Variants in DCDC2C observed in about 807,000 individuals in gnomAD.
DCDC2C encodes doublecortin domain-containing protein 2C.
A neutral mutation model predicts 45.0 loss-of-function variants in DCDC2C; 44 were observed. The ratio of observed to expected loss-of-function variants is 0.98; its 90% CI spans 0.77 to 1.26. The LOEUF (loss-of-function observed/expected upper bound fraction) is 1.26. Among genes scored for constraint, DCDC2C ranks in the 50% most tolerant of loss-of-function variants. The pLI is 0.00. For missense variants in DCDC2C, 447 were observed against 468.9 expected (o/e 0.95, Z 0.43); for synonymous variants, 187 against 178.8 (o/e 1.05, Z -0.37).
chr2:3,760,841 AAAAT>A (rs897390557), intron 6 of DCDC2C, among the ~76,000 whole-genome samples: 2 of 103,874 alleles, frequency 1.9e-5, no homozygotes, highest in South Asian at 4.8e-4. Flanking sequence ...AACTTAAAGT[AAAAT>A]AAAAAAAAAG....
At chr2:3,807,222 C>T (rs960446050) in intron 10 of DCDC2C, among the ~76,000 whole-genome samples, 16 of 152,254 alleles carry the variant, frequency 1.1e-4, no homozygotes, top group African/African-American at 3.6e-4. Flanking sequence ...AGCCTTTCTG[C>T]GCTTTCTCAC....
intron 10 of DCDC2C, among the ~76,000 whole-genome samples, chr2:3,842,487 G>A (rs772393982): frequency 5.9e-5 from 9 of 152,048 alleles, no homozygotes; most frequent in Non-Finnish European, 1.3e-4. Context: ...GGAAGAGTGA[G>A]GGTGCATTGG....
At chr2:3,730,308 G>A (rs1024311702) in intron 3 of DCDC2C, among the ~76,000 whole-genome samples, 1 of 152,070 alleles carries the variant, frequency 6.6e-6, no homozygotes, top group East Asian at 1.9e-4. Flanking sequence ...AAGAAACCGA[G>A]TCCCTTAAGG....
At chr2:3,842,834 G>A (rs1357244005) in intron 10 of DCDC2C, among the ~76,000 whole-genome samples, 1 of 152,008 alleles carries the variant, frequency 6.6e-6, no homozygotes, top group East Asian at 1.9e-4. Context: ...GGAGGAGAAG[G>A]AAAGACACAG....
chr2:3,826,147 C>T (rs1247471711), intron 10 of DCDC2C, among the ~76,000 whole-genome samples: 1 of 152,184 alleles, frequency 6.6e-6, no homozygotes, highest in African/African-American at 2.4e-5. Context: ...TTGTAAACAG[C>T]TGGCATAATG....
intron 10 of DCDC2C, among the ~76,000 whole-genome samples, chr2:3,828,755 T>C (rs1169296423): frequency 6.6e-6 from 1 of 152,218 alleles, no homozygotes; most frequent in African/African-American, 2.4e-5. Flanking sequence ...TTCAAAGTCC[T>C]GGAATTCTTG....
chr2:3,703,782 G>A lies in DCDC2C; in HGVS notation c.31G>A (p.Asp11Asn), dbSNP rs1217172680. The A allele has an allele frequency of 2.3e-5, 28 of 1,237,338 alleles. No homozygotes were observed. The highest frequency in any genetic ancestry group is 2.5e-5 in the Non-Finnish European group (25 of 988,942). The allele number at this position is 1,237,338 out of a possible 1,614,324, so 76.6% of individuals were successfully genotyped here. A position where few individuals can be genotyped will look rare whatever the true frequency, so the allele number is the denominator to read the frequency against. MGTRGPSAPV[D>N]TTPAKTIVVY... is the part of the protein sequence containing the mutation. ...AACCCGCGGGCCCTCCGCGCCGGTG[G>A]ACACCACGCCCGCCAAGACCATCGT... Residue 11 changes from aspartate (D) to asparagine (N), a missense_variant, in exon 1 of 11, where the codon GAC becomes AAC. By Grantham distance (23) the Asp-to-Asn change is conservative. Coordinates refer to ENST00000399143, the MANE Select transcript of DCDC2C (RefSeq NM_001287444.2). This position sits in a 1 kb window ranked among gnomAD's most constrained non-coding sequence, Gnocchi z 4.4.
chr2:3,768,206 G>T (rs1244264042), intron 7 of DCDC2C, among the ~76,000 whole-genome samples: 2 of 151,836 alleles, frequency 1.3e-5, no homozygotes, highest in African/African-American at 4.8e-5. Context: ...TCTATCTTTT[G>T]GGAGAAACAT....
intron 10 of DCDC2C, among the ~76,000 whole-genome samples, chr2:3,812,410 G>A (rs1035459962): frequency 2.6e-5 from 4 of 151,832 alleles, no homozygotes; most frequent in East Asian, 1.9e-4. Context: ...TTTGTATTTC[G>A]GTGGGGTCAG....
intron 10 of DCDC2C, among the ~76,000 whole-genome samples, chr2:3,793,830 T>A (rs11677370): frequency 0.34 from 51,611 of 152,026 alleles, 9,078 homozygotes; most frequent in South Asian, 0.57. Flanking sequence ...GTGGTGGGTG[T>A]GGGGGCAGAG....
chr2:3,719,760 G>A (rs1323189996), intron 2 of DCDC2C, among the ~76,000 whole-genome samples: 2 of 152,226 alleles, frequency 1.3e-5, no homozygotes, highest in African/African-American at 2.4e-5. Flanking sequence ...CCTTATATAA[G>A]GACTGTAAGT....
At chr2:3,847,106 C>A in intron 10 of DCDC2C, 48 bp from the exon 11 acceptor site, 2 of 1,147,636 alleles carry the variant, frequency 1.7e-6, no homozygotes, top group Non-Finnish European at 2.2e-6. Context: ...GTGGCCAGAT[C>A]ACAGCTTGAA....
chr2:3,812,223 T>G (rs1262996974), intron 10 of DCDC2C, among the ~76,000 whole-genome samples: 1 of 150,654 alleles, frequency 6.6e-6, no homozygotes, highest in Non-Finnish European at 1.5e-5. Context: ...TTTTTTTTTT[T>G]GGTTGGTAGG....
intron 10 of DCDC2C, among the ~76,000 whole-genome samples, chr2:3,831,748 AAC>A (rs1671956913): frequency 1.3e-5 from 2 of 152,198 alleles, no homozygotes; most frequent in Admixed American, 6.5e-5. Flanking sequence ...CCTCGGATCA[AAC>A]ACCAGCCCTT....
intron 6 of DCDC2C, among the ~76,000 whole-genome samples, chr2:3,756,707 G>A (rs1271803513): frequency 1.3e-5 from 2 of 152,222 alleles, no homozygotes; most frequent in Non-Finnish European, 2.9e-5. Flanking sequence ...TAAGCCTGAT[G>A]TTTTAAAAAA....
intron 4 of DCDC2C, 59 bp downstream of exon 4, chr2:3,742,107 T>G: frequency 6.9e-7 from 1 of 1,458,128 alleles, no homozygotes; most frequent in Non-Finnish European, 9.1e-7. Context: ...TTATTCTTTC[T>G]ATGAGAGTTT....
At position 3,779,020 on chromosome 2, in the gene DCDC2C, C is replaced by T. The variant is rs536011733; in HGVS notation, c.1023+136C>T. The T allele has an allele frequency of 4.0e-4, 329 of 816,244 alleles. 2 individuals carry two copies. The highest frequency in any genetic ancestry group is 9.8e-4 in the African/African-American group (56 of 57,408). The allele number at this position is 816,244 out of a possible 1,614,324, so 50.6% of individuals were successfully genotyped here. On this transcript the variant is annotated intron_variant, in intron 9 of 10. Coordinates refer to ENST00000399143, the MANE Select transcript of DCDC2C (RefSeq NM_001287444.2). ...ACACAAGCCAGCGCGGAATCGGAAG[C>T]GAGTGCATTTCGCAGGCAGCCGTGG...
chr2:3,815,747 C>T (rs1671541362), intron 10 of DCDC2C, among the ~76,000 whole-genome samples: 1 of 152,130 alleles, frequency 6.6e-6, no homozygotes, highest in Admixed American at 6.5e-5. Flanking sequence ...GCAGGGGTCA[C>T]AAGGTGCTCA....
intron 10 of DCDC2C, among the ~76,000 whole-genome samples, chr2:3,825,840 A>C (rs1160725848): frequency 8.5e-5 from 13 of 152,200 alleles, no homozygotes; most frequent in Admixed American, 8.5e-4. Flanking sequence ...TGTCTTGGCA[A>C]ATCATCGTTG....
Sources: gnomAD v4.1 joint callset for allele counts (sites outside exome capture counted in the v4.1 genomes callset) on GRCh38, gnomAD v4.1.1 for gene constraint, Gnocchi (gnomAD v3.1) non-coding constraint, MANE v1.5 for transcripts, NCBI Gene and HGNC (gene_info 2026-07-23, HGNC 2026-07-21) for gene names.